Variants in FGF13 observed in about 807,000 individuals in gnomAD.
The protein encoded by FGF13 is fibroblast growth factor homologous factor 2.
In FGF13, 2 loss-of-function variants were observed where a neutral mutation model predicts 19.5. The ratio of observed to expected loss-of-function variants is 0.10; its 90% CI spans 0.04 to 0.32. The LOEUF (loss-of-function observed/expected upper bound fraction) is 0.32, where lower values mean the gene tolerates loss of function less well. FGF13 is among the 10% of genes least tolerant of loss of function. The pLI is 1.00. For synonymous variants in FGF13, 72 were observed against 76.9 expected, an observed-to-expected ratio of 0.94 and a Z score of 0.33; for missense variants, 113 against 192.7, an observed-to-expected ratio of 0.59 and a Z score of 2.45.
At chrX:138,677,505 A>G (rs1157166501) in intron 3 of FGF13, among the ~76,000 whole-genome samples, 1 of 111,847 alleles carries the variant, frequency 8.9e-6, no homozygotes, top group Non-Finnish European at 1.9e-5. Flanking sequence ...AACCCCATCA[A>G]AAAGTGGGCA....
chrX:139,113,407 T>A (rs1166339282), intron 1 of FGF13, among the ~76,000 whole-genome samples: 2 of 111,989 alleles, frequency 1.8e-5, no homozygotes, highest in Non-Finnish European at 3.8e-5. Context: ...GCCTATGACC[T>A]CTTGGCTACA....
At chrX:138,912,989 T>C (rs1482877724) in intron 1 of FGF13, among the ~76,000 whole-genome samples, 1 of 110,691 alleles carries the variant, frequency 9.0e-6, no homozygotes, top group Non-Finnish European at 1.9e-5. Context: ...TGTGTTGTCC[T>C]GGTATGAAAA....
At chrX:139,068,199 C>T (rs1270376103) in intron 1 of FGF13, among the ~76,000 whole-genome samples, 1 of 92,788 alleles carries the variant, frequency 1.1e-5, no homozygotes, top group Non-Finnish European at 2.0e-5. Flanking sequence ...CAGCTTTCTA[C>T]ATATGGCTAG....
chrX:138,871,696 C>G (rs770289627), intron 1 of FGF13, among the ~76,000 whole-genome samples: 4 of 111,101 alleles, frequency 3.6e-5, no homozygotes, highest in Non-Finnish European at 7.5e-5. Flanking sequence ...ACAGAGATAC[C>G]CAGGAGAAAA....
At chrX:139,093,107 C>T (rs1196824191) in intron 1 of FGF13, among the ~76,000 whole-genome samples, 1 of 112,178 alleles carries the variant, frequency 8.9e-6, no homozygotes, top group East Asian at 2.8e-4. Context: ...AGCACTGGGG[C>T]ATGCTGCAAA....
At chrX:138,855,775 G>A (rs2124136957), downstream of FGF13, among the ~76,000 whole-genome samples, 1 of 111,876 alleles carries the variant, frequency 8.9e-6, no homozygotes, top group African/African-American at 3.2e-5. Flanking sequence ...AACAGATTCT[G>A]TCAAAATTAT....
At chrX:138,875,257 AAAAG>A (rs1339298771) in intron 1 of FGF13, among the ~76,000 whole-genome samples, 4 of 109,176 alleles carry the variant, frequency 3.7e-5, no homozygotes, top group African/African-American at 1.3e-4. Flanking sequence ...AACAGAAAAG[AAAAG>A]AAAGAAAGTG....
intron 3 of FGF13, among the ~76,000 whole-genome samples, chrX:138,763,736 C>T (rs1446736142): frequency 9.0e-6 from 1 of 111,497 alleles, no homozygotes; most frequent in Non-Finnish European, 1.9e-5. Context: ...AAAACATGGC[C>T]TTTAGCTCTT....
chrX:139,014,559 A>G (rs749284078), intron 1 of FGF13, among the ~76,000 whole-genome samples: 1 of 111,719 alleles, frequency 9.0e-6, no homozygotes, highest in East Asian at 2.8e-4. Flanking sequence ...CAAAACTTGT[A>G]CAGACAAATA....
At chrX:139,059,436 G>C (rs1416189861) in intron 1 of FGF13, among the ~76,000 whole-genome samples, 1 of 109,920 alleles carries the variant, frequency 9.1e-6, no homozygotes, top group Non-Finnish European at 1.9e-5. Flanking sequence ...AAAAAAGAGA[G>C]AGAGAGAGAG....
chrX:138,773,237 C>T (rs746254547), intron 3 of FGF13, among the ~76,000 whole-genome samples: 17 of 111,082 alleles, frequency 1.5e-4, no homozygotes, highest in Non-Finnish European at 2.5e-4. Flanking sequence ...CCTGTGACCC[C>T]ACAATGTATA....
Position 138,628,261 on chromosome X carries a change from C to T in FGF13, c.*4589G>A, listed in dbSNP as rs890751098. 3 of 112,006 alleles carry T rather than the reference C, an allele frequency of 2.7e-5. No homozygotes were observed. Among genetic ancestry groups the T allele is most frequent in the African/African-American group, 9.7e-5 (3 of 30,828 alleles). The allele number at this position is 112,006 out of a possible 1,213,427, so 9.2% of individuals were successfully genotyped here. On this transcript the variant is annotated 3_prime_UTR_variant, in exon 5 of 5. Coordinates refer to ENST00000315930, the MANE Select transcript of FGF13 (RefSeq NM_004114.5). The stretch of plus-strand genomic sequence containing the variant: ...AGCAATAAAAGTTATGAAAAGCTGT[C>T]TTTGTAAATATGGTTAAGAATTTGA...
intron 1 of FGF13, among the ~76,000 whole-genome samples, chrX:138,944,840 ATT>A (rs2091774780): frequency 1.8e-5 from 2 of 111,712 alleles, no homozygotes; most frequent in Non-Finnish European, 3.8e-5. Context: ...AGAAGTGGCA[ATT>A]CTCTCACTGG....
chrX:139,004,814 C>G (rs1451184548), intron 1 of FGF13, among the ~76,000 whole-genome samples: 1 of 112,135 alleles, frequency 8.9e-6, no homozygotes, highest in Non-Finnish European at 1.9e-5. Context: ...GTGGTGGCAA[C>G]AGGGTGAGGC....
At chrX:139,182,085 G>C (rs1027663278) in intron 1 of FGF13, among the ~76,000 whole-genome samples, 6 of 110,936 alleles carry the variant, frequency 5.4e-5, no homozygotes, top group Non-Finnish European at 1.9e-5. Flanking sequence ...CTTATATAGA[G>C]CTTACTCTGT....
chrX:138,793,515 G>A (rs528556983), intron 3 of FGF13, among the ~76,000 whole-genome samples: 1 of 111,867 alleles, frequency 8.9e-6, no homozygotes, highest in South Asian at 3.8e-4. Context: ...TAAATGCCCT[G>A]TGATTGGAAA....
intron 3 of FGF13, chrX:138,806,590 A>G (rs150790833): frequency 0.01 from 1,166 of 112,372 alleles, 8 homozygotes; most frequent in Non-Finnish European, 0.015. Flanking sequence ...AAACTGGAAC[A>G]GGAAGATAAG....
At chrX:138,748,407 T>C (rs773855665) in intron 3 of FGF13, among the ~76,000 whole-genome samples, 4 of 111,315 alleles carry the variant, frequency 3.6e-5, no homozygotes, top group Non-Finnish European at 7.5e-5. Flanking sequence ...GCTCAATCTC[T>C]TTCCATGGAG....
chrX:139,055,259 G>A (rs560084591), intron 1 of FGF13, among the ~76,000 whole-genome samples: 1 of 111,558 alleles, frequency 9.0e-6, no homozygotes, highest in South Asian at 3.8e-4. Context: ...TCTTGTTCCA[G>A]TTCTCAGAGG....
Sources: gnomAD v4.1 joint callset for allele counts (sites outside exome capture counted in the v4.1 genomes callset) on GRCh38, gnomAD v4.1.1 for gene constraint, MANE v1.5 for transcripts, NCBI Gene and HGNC (gene_info 2026-07-23, HGNC 2026-07-21) for gene names.